The following EP300 variants were observed in gnomAD, a reference collection of about 807,000 sequenced individuals.
The protein encoded by EP300 is histone acetyltransferase p300.
Under a neutral mutation model 264.0 loss-of-function variants are expected in EP300, and 31 were observed. The ratio of observed to expected loss-of-function variants is 0.12; its 90% CI spans 0.09 to 0.16. The LOEUF (loss-of-function observed/expected upper bound fraction) is 0.16. Ranked by LOEUF, EP300 falls within the 10% of genes least tolerant of loss-of-function variation. EP300 has a pLI of 1.00. For missense variants in EP300, 2,766 were observed against 3,052.9 expected, an observed-to-expected ratio of 0.91 and a Z score of 2.21; for synonymous variants, 1,340 against 1,045.4, an observed-to-expected ratio of 1.28 and a Z score of -5.44.
chr22:41,138,980 T>G (rs2058967465), intron 8 of EP300, among the ~76,000 whole-genome samples: 2 of 152,040 alleles, frequency 1.3e-5, no homozygotes, highest in Non-Finnish European at 1.5e-5. Flanking sequence ...GACTGAGTCT[T>G]TCTCTGTCGC....
intron 1 of EP300, among the ~76,000 whole-genome samples, chr22:41,104,487 G>C (rs563365239): frequency 6.6e-6 from 1 of 151,742 alleles, no homozygotes; most frequent in Non-Finnish European, 1.5e-5. Context: ...ACAGGGTTTT[G>C]CCATGTTGGC....
chr22:41,104,528 G>C (rs973512270), intron 1 of EP300, among the ~76,000 whole-genome samples: 1 of 152,026 alleles, frequency 6.6e-6, no homozygotes, highest in African/African-American at 2.4e-5. Context: ...GACCTCAGGC[G>C]ATCCGCCCGC....
At chr22:41,134,158 CTTTTCT>C (rs1339534577) in intron 6 of EP300, among the ~76,000 whole-genome samples, 4 of 76,416 alleles carry the variant, frequency 5.2e-5, no homozygotes, top group Non-Finnish European at 8.2e-5. Flanking sequence ...TGATTTCATT[CTTTTCT>C]TTTTTTTTTT....
At chr22:41,169,445 G>C in intron 25 of EP300, 58 bp from the exon 26 acceptor site, 1 of 1,034,632 alleles carries the variant, frequency 9.7e-7, no homozygotes, top group Non-Finnish European at 1.5e-6. Flanking sequence ...ATGGAGTAAA[G>C]AACTCATTAT....
At chr22:41,151,754 GT>G in intron 14 of EP300, 78 bp from the exon 15 acceptor site, 1 of 1,446,368 alleles carries the variant, frequency 6.9e-7, no homozygotes, top group Non-Finnish European at 9.7e-7. Context: ...CTGCTATCCT[GT>G]TGCTTACCTT....
At chr22:41,116,731 G>C (rs2058823607) in intron 1 of EP300, among the ~76,000 whole-genome samples, 1 of 152,136 alleles carries the variant, frequency 6.6e-6, no homozygotes, top group East Asian at 1.9e-4. Context: ...TCTATAAAAT[G>C]GTTTTAGTAT....
intron 29 of EP300, among the ~76,000 whole-genome samples, chr22:41,173,989 A>G (rs1455339163): frequency 6.6e-6 from 1 of 152,220 alleles, no homozygotes; most frequent in African/African-American, 2.4e-5. Context: ...ACATGCCTGT[A>G]ATCCCAGCTA....
Position 41,131,644 on chromosome 22 carries a change from G to C in EP300, c.1528+11G>C, listed in dbSNP as rs753772401. 2 of 1,614,050 alleles carry C rather than the reference G, an allele frequency of 1.2e-6. No individual in the cohort carries two copies. The highest frequency in any genetic ancestry group is 1.7e-6 in the Non-Finnish European group (2 of 1,180,044). On this transcript the variant is annotated intron_variant, in intron 6 of 30. Coordinates refer to ENST00000263253, the MANE Select transcript of EP300 (RefSeq NM_001429.4). ...CCATGAGCAACATGAGTAAGTTTGT[G>C]TCATCCTAATAACATGGTATTGGTT...
At chr22:41,140,076 A>C in intron 8 of EP300, 64 bp from the exon 9 acceptor site, 1 of 1,202,124 alleles carries the variant, frequency 8.3e-7, no homozygotes, top group South Asian at 1.2e-5. Flanking sequence ...CAGTGTATAA[A>C]AATCAGAAAA....
At chr22:41,144,502 C>T (rs146989779) in intron 10 of EP300, among the ~76,000 whole-genome samples, 20 of 151,912 alleles carry the variant, frequency 1.3e-4, no homozygotes, top group Admixed American at 8.5e-4. Flanking sequence ...CACAGGCACA[C>T]GCCACCATGC....
chr22:41,101,910 TAAGG>T (rs1048519808), intron 1 of EP300, among the ~76,000 whole-genome samples: 5 of 152,276 alleles, frequency 3.3e-5, no homozygotes, highest in East Asian at 1.9e-4. Context: ...TTACAACACT[TAAGG>T]AAGAACTACC....
intron 26 of EP300, among the ~76,000 whole-genome samples, chr22:41,169,931 C>A (rs1382425017): frequency 6.6e-6 from 1 of 152,202 alleles, no homozygotes; most frequent in East Asian, 1.9e-4. Flanking sequence ...CCTTTTACAA[C>A]CTGGGTATGA....
At chr22:41,137,941 G>C in intron 8 of EP300, 151 bp downstream of exon 8, 1 of 1,089,898 alleles carries the variant, frequency 9.2e-7, no homozygotes, top group Non-Finnish European at 1.3e-6. Flanking sequence ...TGGATTTCTT[G>C]CTGCTGCTGC....
intron 1 of EP300, among the ~76,000 whole-genome samples, chr22:41,097,514 G>T (rs2058708791): frequency 6.6e-6 from 1 of 152,154 alleles, no homozygotes; most frequent in Non-Finnish European, 1.5e-5. Flanking sequence ...GACATTAAGT[G>T]GTAAATAGGA....
intron 1 of EP300, among the ~76,000 whole-genome samples, chr22:41,096,608 TCTA>T (rs1378303910): frequency 1.4e-5 from 2 of 147,700 alleles, no homozygotes; most frequent in Non-Finnish European, 1.5e-5. Context: ...AAATGTCAGC[TCTA>T]CTTTTTTTTT....
chr22:41,099,085 AACGAAGTCTT>A (rs1165487225), intron 1 of EP300, among the ~76,000 whole-genome samples: 1 of 152,008 alleles, frequency 6.6e-6, no homozygotes, highest in African/African-American at 2.4e-5. Flanking sequence ...TTTGATTTGC[AACGAAGTCTT>A]GCTCTGTTGC....
chr22:41,121,689 G>T (rs1304514678), intron 2 of EP300, among the ~76,000 whole-genome samples: 2 of 152,134 alleles, frequency 1.3e-5, no homozygotes, highest in East Asian at 3.8e-4. Flanking sequence ...GTTGGTCTAG[G>T]CAGGCAAGGC....
chr22:41,144,453 A>G (rs1285544384), intron 10 of EP300, among the ~76,000 whole-genome samples: 1 of 151,828 alleles, frequency 6.6e-6, no homozygotes, highest in Non-Finnish European at 1.5e-5. Context: ...TCCCAAGCTC[A>G]AGCAATCCTC....
intron 10 of EP300, among the ~76,000 whole-genome samples, chr22:41,144,411 G>A (rs1423225999): frequency 6.6e-6 from 1 of 151,558 alleles, no homozygotes; most frequent in Non-Finnish European, 1.5e-5. Flanking sequence ...GAGTGCAGTG[G>A]TGTGATCTCG....
Sources: gnomAD v4.1 joint callset for allele counts (sites outside exome capture counted in the v4.1 genomes callset) on GRCh38, gnomAD v4.1.1 for gene constraint, MANE v1.5 for transcripts, NCBI Gene and HGNC (gene_info 2026-07-23, HGNC 2026-07-21) for gene names.